The following SZRD1 variants were observed in gnomAD, a reference collection of about 807,000 sequenced individuals.
The protein encoded by SZRD1 is SUZ RNA-binding domain-containing.
A neutral mutation model predicts 17.6 loss-of-function variants in SZRD1; 7 were observed. The ratio of observed to expected loss-of-function variants is 0.40; its 90% CI spans 0.23 to 0.75. The LOEUF (loss-of-function observed/expected upper bound fraction) is 0.75, where lower values mean the gene tolerates loss of function less well. SZRD1 is among the 30% of genes least tolerant of loss of function. The pLI, the probability that SZRD1 is intolerant of heterozygous loss-of-function variation, is 0.38. For synonymous variants in SZRD1, 77 were observed against 77.9 expected (o/e 0.99, Z 0.06); for missense variants, 178 against 201.8 (o/e 0.88, Z 0.71).
intron 1 of SZRD1, among the ~76,000 whole-genome samples, chr1:16,385,358 C>T (rs1197702184): frequency 6.6e-6 from 1 of 152,112 alleles, no homozygotes; most frequent in Non-Finnish European, 1.5e-5. Flanking sequence ...TGAGTTTGTT[C>T]ACTTTGTCTC....
intron 1 of SZRD1, among the ~76,000 whole-genome samples, chr1:16,373,591 A>AC (rs901173392): frequency 1.3e-5 from 2 of 151,790 alleles, no homozygotes; most frequent in African/African-American, 4.8e-5. Flanking sequence ...AAAAAAAAAA[A>AC]AAAACAAAAC....
chr1:16,376,836 A>AT (rs1260170632), intron 1 of SZRD1, among the ~76,000 whole-genome samples: 1 of 145,442 alleles, frequency 6.9e-6, no homozygotes, highest in Non-Finnish European at 1.5e-5. Context: ...GTTGCTCAGG[A>AT]TTTTTAAATG....
intron 1 of SZRD1, among the ~76,000 whole-genome samples, chr1:16,380,094 G>A (rs1056947251): frequency 6.6e-6 from 1 of 152,152 alleles, no homozygotes; most frequent in African/African-American, 2.4e-5. Flanking sequence ...ACAATAAACA[G>A]TAAGTGTTTT....
intron 1 of SZRD1, among the ~76,000 whole-genome samples, chr1:16,372,211 G>A (rs1475669797): frequency 4.0e-5 from 6 of 151,818 alleles, no homozygotes; most frequent in African/African-American, 7.3e-5. Context: ...GGTGGCTCAC[G>A]CCTGTAATCC....
chr1:16,388,291 G>A (rs899511195), intron 1 of SZRD1, among the ~76,000 whole-genome samples: 2 of 152,138 alleles, frequency 1.3e-5, no homozygotes, highest in African/African-American at 4.8e-5. Flanking sequence ...GTAGAGACGG[G>A]GTTTCACCTT....
intron 1 of SZRD1, chr1:16,387,674 G>A (rs1400595288): frequency 6.6e-6 from 3 of 456,562 alleles, no homozygotes; most frequent in African/African-American, 2.0e-5. Flanking sequence ...AAATTCTACA[G>A]CTGTCAAGGC....
intron 1 of SZRD1, among the ~76,000 whole-genome samples, chr1:16,372,362 A>G (rs2082928885): frequency 6.6e-6 from 1 of 151,944 alleles, no homozygotes; most frequent in Non-Finnish European, 1.5e-5. Flanking sequence ...AATCCCAGCT[A>G]CTCCGGAGGC....
chr1:16,380,292 T>C (rs1469442944), intron 1 of SZRD1, among the ~76,000 whole-genome samples: 1 of 147,550 alleles, frequency 6.8e-6, no homozygotes, highest in Admixed American at 6.8e-5. Flanking sequence ...CTGAGCAACA[T>C]AGAGAGACGC....
In SZRD1 at chr1:16,396,435, T is replaced by C. The variant is rs1312662013; in HGVS notation, c.*1295T>C. 2 of 152,304 alleles carry C rather than the reference T, an allele frequency of 1.3e-5. No homozygotes were observed. Among genetic ancestry groups the C allele is most frequent in the South Asian group, 4.1e-4 (2 of 4,822 alleles). 9.4% of individuals were successfully genotyped at this position (152,304 alleles called of 1,614,324 possible). On this transcript the variant is annotated 3_prime_UTR_variant, in exon 4 of 4. Transcript: ENST00000401088. ...GAGGCCTAGGCTACCCGTCACCCCT[T>C]TTTCCAGAGCGAGGGCCTGGAATGA...
chr1:16,387,255 A>G (rs550139395), intron 1 of SZRD1: 3 of 455,432 alleles, frequency 6.6e-6, no homozygotes, highest in Admixed American at 4.7e-5. Flanking sequence ...TCTTCCACCC[A>G]GGCTCCTTGT....
intron 1 of SZRD1, among the ~76,000 whole-genome samples, chr1:16,381,904 G>A (rs2083111711): frequency 6.6e-6 from 1 of 152,142 alleles, no homozygotes; most frequent in Non-Finnish European, 1.5e-5. Context: ...CAGCCTGGGC[G>A]ACAGAGCAAG....
At chr1:16,379,431 T>G (rs1336525602) in intron 1 of SZRD1, among the ~76,000 whole-genome samples, 10 of 152,190 alleles carry the variant, frequency 6.6e-5, no homozygotes, top group Non-Finnish European at 1.5e-5. Context: ...ACTTACTAGT[T>G]GTGCATAGTT....
chr1:16,387,064 G>A (rs1355045928), intron 1 of SZRD1: 6 of 322,706 alleles, frequency 1.9e-5, no homozygotes, highest in South Asian at 1.5e-4. Flanking sequence ...GGGCTGGTGT[G>A]AGCAGAAAAT....
intron 1 of SZRD1, chr1:16,369,573 C>T: frequency 1.5e-6 from 1 of 672,314 alleles, no homozygotes; most frequent in Non-Finnish European, 2.7e-6. Context: ...TCTGCTATCC[C>T]TTACTTTAGT....
intron 1 of SZRD1, among the ~76,000 whole-genome samples, chr1:16,371,578 C>A (rs2082916164): frequency 1.3e-5 from 2 of 151,686 alleles, no homozygotes; most frequent in Admixed American, 1.3e-4. Context: ...TCTCCTGCCT[C>A]AGCCTCCCGA....
intron 1 of SZRD1, among the ~76,000 whole-genome samples, chr1:16,378,650 A>G (rs1376139202): frequency 2.0e-5 from 3 of 152,086 alleles, no homozygotes; most frequent in Admixed American, 1.3e-4. Context: ...TGTTACTGCT[A>G]TAGGCCTTAG....
intron 1 of SZRD1, among the ~76,000 whole-genome samples, chr1:16,377,235 T>G (rs950942648): frequency 6.6e-6 from 1 of 152,130 alleles, no homozygotes; most frequent in Admixed American, 6.6e-5. Flanking sequence ...GTGTCTTTGT[T>G]TCATCCTCCA....
chr1:16,391,472 A>G lies in SZRD1; in HGVS notation c.101+48A>G. 6.7e-7 allele frequency: 1 copy of G among 1,486,698 alleles called. No individual in the cohort carries two copies. Among genetic ancestry groups the G allele is most frequent in the Non-Finnish European group, 9.2e-7 (1 of 1,091,656 alleles). The allele number at this position is 1,486,698 out of a possible 1,614,324, so 92.1% of individuals were successfully genotyped here. A position where few individuals can be genotyped will look rare whatever the true frequency, so the allele number is the denominator to read the frequency against. On this transcript the variant is annotated intron_variant, in intron 2 of 3. Coordinates refer to ENST00000401088, the MANE Select transcript of SZRD1 (RefSeq NM_001114600.3). This position sits in a 1 kb window ranked among gnomAD's most constrained non-coding sequence, Gnocchi z 4.3. Reference sequence around the variant, plus strand: ...GGGCTCATGCTCTCTGTGGTTTGAGAGCCGGGCAGTCAGTGGTGTTCTCCA... The same window carrying G: ...GGGCTCATGCTCTCTGTGGTTTGAGGGCCGGGCAGTCAGTGGTGTTCTCCA...
In SZRD1 at chr1:16,396,267, A is replaced by T. The variant is rs2085309882; in HGVS notation, c.*1127A>T. 3.9e-5 allele frequency: 6 copies of T among 152,316 alleles called. No homozygotes were observed. The highest frequency in any genetic ancestry group is 3.3e-4 in the Admixed American group (5 of 15,274). 9.4% of individuals were successfully genotyped at this position (152,316 alleles called of 1,614,324 possible). ...AACTCTTAGGGGTCTGCAGTGCTCCATCTCCATTGGTGGCCCCAGCTCAGT... is the reference window on the plus strand; with the variant it reads ...AACTCTTAGGGGTCTGCAGTGCTCCTTCTCCATTGGTGGCCCCAGCTCAGT... On this transcript the variant is annotated 3_prime_UTR_variant, in exon 4 of 4. Transcript: ENST00000401088.
Sources: allele counts gnomAD v4.1 joint callset (sites outside exome capture counted in the v4.1 genomes callset), GRCh38; gene constraint gnomAD v4.1.1; non-coding constraint Gnocchi (gnomAD v3.1); transcripts MANE v1.5; gene names NCBI Gene and HGNC (gene_info 2026-07-23, HGNC 2026-07-21).